The following SOX13 variants were observed in gnomAD, a reference collection of about 807,000 sequenced individuals.
The protein encoded by SOX13 is transcription factor SOX-13.
A neutral mutation model predicts 71.8 loss-of-function variants in SOX13; 28 were observed. The ratio of observed to expected loss-of-function variants is 0.39; its 90% CI spans 0.29 to 0.53. The LOEUF is 0.53. Among genes scored for constraint, SOX13 ranks in the 20% least tolerant of loss-of-function variants. The pLI is 0.70. For missense variants in SOX13, 627 were observed against 810.3 expected, an observed-to-expected ratio of 0.77 and a Z score of 2.75; for synonymous variants, 309 against 317.8, an observed-to-expected ratio of 0.97 and a Z score of 0.29.
chr1:204,093,244 A>ATGAC (rs1409516790), intron 1 of SOX13, among the ~76,000 whole-genome samples: 2 of 152,204 alleles, frequency 1.3e-5, no homozygotes, highest in Non-Finnish European at 2.9e-5. Flanking sequence ...TGTGACTGAA[A>ATGAC]TGACAGTCTG....
At chr1:204,114,706 C>A in intron 4 of SOX13, 101 bp downstream of exon 4, 1 of 867,608 alleles carries the variant, frequency 1.2e-6, no homozygotes, top group Non-Finnish European at 2.0e-6. Flanking sequence ...TGGTACATAC[C>A]TATCCTGTGC....
intron 1 of SOX13, among the ~76,000 whole-genome samples, chr1:204,111,994 G>T (rs1337281970): frequency 6.6e-6 from 1 of 152,218 alleles, no homozygotes; most frequent in African/African-American, 2.4e-5. Flanking sequence ...AGTAGTAGGA[G>T]TGTAGAGGCT....
At chr1:204,107,349 C>T (rs1656490151) in intron 1 of SOX13, among the ~76,000 whole-genome samples, 1 of 152,164 alleles carries the variant, frequency 6.6e-6, no homozygotes. Context: ...CCCTCCAGGA[C>T]CCTTGTTTTA....
chr1:204,076,134 C>T (rs1288513069), intron 1 of SOX13, among the ~76,000 whole-genome samples: 2 of 152,204 alleles, frequency 1.3e-5, no homozygotes, highest in African/African-American at 4.8e-5. Flanking sequence ...TTCATTCCCT[C>T]CTTTCCTCAT....
At chr1:204,075,749 G>C (rs1214282992) in intron 1 of SOX13, among the ~76,000 whole-genome samples, 1 of 152,174 alleles carries the variant, frequency 6.6e-6, no homozygotes, top group Non-Finnish European at 1.5e-5. Flanking sequence ...AGTTTCCTCA[G>C]CCATAAAATA....
intron 1 of SOX13, among the ~76,000 whole-genome samples, chr1:204,079,264 A>C (rs1050426048): frequency 6.6e-6 from 1 of 150,684 alleles, no homozygotes; most frequent in Non-Finnish European, 1.5e-5. Flanking sequence ...TGGGTGACGG[A>C]GCAAGACTCC....
Position 204,073,546 on chromosome 1 carries a change from G to A in SOX13, c.-167G>A, listed in dbSNP as rs971380003. ...GCAGCGACTCCCCGGCCGACGGCGG[G>A]GGGCGTGCCCCCTCCCAGCCCAGCC... On this transcript the variant is annotated 5_prime_UTR_variant, in exon 1 of 14. Coordinates refer to ENST00000367204, the MANE Select transcript of SOX13 (RefSeq NM_005686.3). This position sits in a 1 kb window ranked among gnomAD's most constrained non-coding sequence, Gnocchi z 6.8. The A allele has an allele frequency of 1.3e-5, 2 of 151,584 alleles. No homozygotes were observed. The highest frequency in any genetic ancestry group is 4.8e-5 in the African/African-American group (2 of 41,350). 9.4% of individuals were successfully genotyped at this position (151,584 alleles called of 1,614,324 possible).
chr1:204,085,677 TAAAA>T (rs71568017), intron 1 of SOX13, among the ~76,000 whole-genome samples: 1 of 143,538 alleles, frequency 7.0e-6, no homozygotes, highest in Non-Finnish European at 1.5e-5. Flanking sequence ...AGTGCATATT[TAAAA>T]AAAAAAAAAA....
At chr1:204,085,401 A>T (rs1181931382) in intron 1 of SOX13, among the ~76,000 whole-genome samples, 2 of 152,192 alleles carry the variant, frequency 1.3e-5, no homozygotes, top group Non-Finnish European at 2.9e-5. Context: ...AGGGCCATTT[A>T]AAAGATGCCT....
chr1:204,123,136 C>G lies in SOX13; in HGVS notation c.1159C>G (p.Pro387Ala). The change falls in exon 11 of 14, where the codon CCA becomes GCA. Residue 387 changes from proline (P) to alanine (A), a missense_variant. Physicochemically the swap from Pro to Ala is conservative, Grantham distance 27 (BLOSUM62 -1). Transcript: ENST00000367204. The surrounding 1 kb of genome is among the most constrained non-coding windows in gnomAD (Gnocchi z 5.0). Reference protein sequence around the residue: ...RKDLISLDSSPAKERLEDGCV... With the variant: ...RKDLISLDSSAAKERLEDGCV... ...GGACCTCATCAGCCTGGACTCATCC[C>G]CAGCCAAGGAGCGGCTGGAGGACGG... 6.2e-7 allele frequency: 1 copy of G among 1,613,772 alleles called. No homozygotes were observed. The highest frequency in any genetic ancestry group is 8.5e-7 in the Non-Finnish European group (1 of 1,179,786).
chr1:204,105,721 G>A (rs1274697694), intron 1 of SOX13, among the ~76,000 whole-genome samples: 1 of 152,128 alleles, frequency 6.6e-6, no homozygotes, highest in Non-Finnish European at 1.5e-5. Flanking sequence ...TTGAAGCAGT[G>A]CTGCCCCAAA....
intron 9 of SOX13, 38 bp from the exon 10 acceptor site, chr1:204,122,816 T>C: frequency 3.8e-6 from 5 of 1,328,932 alleles, no homozygotes; most frequent in Non-Finnish European, 5.2e-6. Context: ...CCTCAGCTTC[T>C]CTCGCTTCTC....
rs773140119 is a variant in SOX13, at chr1:204,122,003, C to T, written c.861+18C>T. On this transcript the variant is annotated intron_variant, in intron 8 of 13. Coordinates refer to ENST00000367204, the MANE Select transcript of SOX13 (RefSeq NM_005686.3). ...CCCTGCAGGTACCGCCCTCTACCCA[C>T]TGGCCTGGGGCTCCCTCTCGAGCTT... 8.3e-6 allele frequency: 13 copies of T among 1,562,200 alleles called. No individual in the cohort carries two copies. Among genetic ancestry groups the T allele is most frequent in the Non-Finnish European group, 1.1e-5 (13 of 1,135,502 alleles).
chr1:204,122,028 T>C (rs1439068695), intron 8 of SOX13, 43 bp downstream of exon 8: 3 of 1,412,298 alleles, frequency 2.1e-6, no homozygotes, highest in South Asian at 2.4e-5. Flanking sequence ...CTCTCGAGCT[T>C]ATGACGGCCG....
intron 1 of SOX13, among the ~76,000 whole-genome samples, chr1:204,107,693 T>A (rs950105863): frequency 6.6e-6 from 1 of 151,860 alleles, no homozygotes; most frequent in African/African-American, 2.4e-5. Context: ...CCAGGGACCC[T>A]CTCCCCCAAA....
intron 1 of SOX13, among the ~76,000 whole-genome samples, chr1:204,104,227 A>G (rs903380781): frequency 2.6e-5 from 4 of 152,170 alleles, no homozygotes; most frequent in African/African-American, 7.2e-5. Flanking sequence ...CACCCTGACC[A>G]GCCTGGAAAC....
chr1:204,112,470 C>G (rs1283195079), intron 1 of SOX13, among the ~76,000 whole-genome samples: 1 of 149,442 alleles, frequency 6.7e-6, no homozygotes, highest in East Asian at 2.0e-4. Flanking sequence ...TGTATACATA[C>G]AAACATGCAC....
chr1:204,112,782 C>T, intron 1 of SOX13, 133 bp from the exon 2 acceptor site: 2 of 629,880 alleles, frequency 3.2e-6, no homozygotes, highest in Non-Finnish European at 5.6e-6. Context: ...CTTGCCCTTT[C>T]TGTGAGTGTG....
At chr1:204,080,906 CT>C (rs1180508830) in intron 1 of SOX13, among the ~76,000 whole-genome samples, 3,850 of 122,744 alleles carry the variant, frequency 0.031, 81 homozygotes, top group African/African-American at 0.077. Context: ...CCTTTGTTGA[CT>C]TTTTTTTTTT....
Sources: allele counts gnomAD v4.1 joint callset (sites outside exome capture counted in the v4.1 genomes callset), GRCh38; gene constraint gnomAD v4.1.1; non-coding constraint Gnocchi (gnomAD v3.1); transcripts MANE v1.5; gene names NCBI Gene and HGNC (gene_info 2026-07-23, HGNC 2026-07-21).